MAN1C1: variants seen among roughly 807,000 people sequenced by gnomAD.
MAN1C1 encodes mannosidase alpha class 1C member 1.
Under a neutral mutation model 71.5 loss-of-function variants are expected in MAN1C1, and 49 were observed. The observed-to-expected ratio is 0.69, with a 90% CI of 0.54 to 0.87. The LOEUF (loss-of-function observed/expected upper bound fraction) is 0.87, where lower values mean the gene tolerates loss of function less well. Ranked by LOEUF, MAN1C1 falls within the 40% of genes least tolerant of loss-of-function variation. MAN1C1 has a pLI of 0.00. For synonymous variants in MAN1C1, 352 were observed against 343.7 expected, an observed-to-expected ratio of 1.02 and a Z score of -0.27; for missense variants, 743 against 835.0, an observed-to-expected ratio of 0.89 and a Z score of 1.36.
chr1:25,726,088 C>T (rs748569060), intron 2 of MAN1C1, among the ~76,000 whole-genome samples: 1 of 152,244 alleles, frequency 6.6e-6, no homozygotes, highest in African/African-American at 2.4e-5. Flanking sequence ...CCGACTGTAG[C>T]CCCTCTCCTG....
At chr1:25,647,028 A>G (rs932784694) in intron 1 of MAN1C1, among the ~76,000 whole-genome samples, 6 of 152,150 alleles carry the variant, frequency 3.9e-5, no homozygotes, top group Admixed American at 2.6e-4. Flanking sequence ...TTACACTCTC[A>G]ATAGCAGTGT....
At chr1:25,656,785 A>G (rs1274246215) in intron 1 of MAN1C1, among the ~76,000 whole-genome samples, 2 of 150,868 alleles carry the variant, frequency 1.3e-5, no homozygotes, top group East Asian at 2.0e-4. Flanking sequence ...CAAGGAGGGG[A>G]GAGAGATGGA....
chr1:25,700,734 G>C (rs918078010), intron 2 of MAN1C1, among the ~76,000 whole-genome samples: 2 of 152,270 alleles, frequency 1.3e-5, no homozygotes, highest in African/African-American at 4.8e-5. Context: ...TTGAATGGAG[G>C]CTGGGAGGAG....
chr1:25,703,467 A>T (rs1221091901), intron 2 of MAN1C1, among the ~76,000 whole-genome samples: 1 of 152,340 alleles, frequency 6.6e-6, no homozygotes, highest in South Asian at 2.1e-4. Flanking sequence ...AGATCACCTG[A>T]GGTCGGGAGT....
At chr1:25,644,518 A>ATATATATATATT (rs61386117) in intron 1 of MAN1C1, 3 of 40,290 alleles carry the variant, frequency 7.4e-5, no homozygotes, top group Admixed American at 4.9e-4. Context: ...ATATATATAT[A>ATATATATATATT]TTTTTTTTTT....
At chr1:25,712,478 G>A (rs573630589) in intron 2 of MAN1C1, among the ~76,000 whole-genome samples, 65 of 152,180 alleles carry the variant, frequency 4.3e-4, no homozygotes, top group African/African-American at 6.8e-4. Context: ...AATCTGGGGC[G>A]GCTTCCTGGG....
intron 1 of MAN1C1, among the ~76,000 whole-genome samples, chr1:25,628,492 G>C (rs2045331873): frequency 6.6e-6 from 1 of 152,064 alleles, no homozygotes; most frequent in South Asian, 2.1e-4. Context: ...ATTTTTAATA[G>C]AGACGGGATT....
chr1:25,754,728 G>C (rs2047262920), intron 5 of MAN1C1, among the ~76,000 whole-genome samples: 1 of 152,176 alleles, frequency 6.6e-6, no homozygotes, highest in Non-Finnish European at 1.5e-5. Flanking sequence ...GTCTGGGGTA[G>C]GACATCATTG....
intron 1 of MAN1C1, among the ~76,000 whole-genome samples, chr1:25,676,968 C>A (rs779846463): frequency 5.3e-5 from 8 of 152,148 alleles, no homozygotes; most frequent in Non-Finnish European, 1.0e-4. Flanking sequence ...CTAATGCATC[C>A]TTTCTCTCTT....
rs572217032 is a variant in MAN1C1 at position 25,780,835 on chromosome 1, A to G, written c.1478-105A>G. On this transcript the variant is annotated intron_variant, in intron 9 of 11. Transcript: ENST00000374332. ...GGCACCCCACACCCACACACACCTG[A>G]CATCACCCTGGCCGCGGGTTCAAGG... 1.4e-5 allele frequency: 17 copies of G among 1,234,822 alleles called. No homozygotes were observed. The African/African-American group carries it at 2.1e-4, about 15-fold the overall frequency. 76.5% of individuals were successfully genotyped at this position (1,234,822 alleles called of 1,614,324 possible).
rs922228975 is a variant in MAN1C1 at position 25,730,437 on chromosome 1, G to A, written c.638-16231G>A. ...TTTTTTAGTTTTCTCAGCCATCCTC[G>A]AAAACCTTAGCTGAGAATGACAAAT... On this transcript the variant is annotated intron_variant, in intron 2 of 11. Coordinates refer to ENST00000374332, the MANE Select transcript of MAN1C1 (RefSeq NM_020379.4). This position sits in a 1 kb window ranked among gnomAD's most constrained non-coding sequence, Gnocchi z 4.3. Among the ~76,000 whole-genome samples, 5 of 150,512 alleles carry A rather than the reference G, an allele frequency of 3.3e-5. No homozygotes were observed. Among genetic ancestry groups the A allele is most frequent in the African/African-American group, 1.2e-4 (5 of 40,682 alleles).
At chr1:25,696,571 C>A (rs1391897029) in intron 2 of MAN1C1, among the ~76,000 whole-genome samples, 1 of 152,140 alleles carries the variant, frequency 6.6e-6, no homozygotes, top group Non-Finnish European at 1.5e-5. Flanking sequence ...TTTCCATCAC[C>A]CTAAAAGGTT....
chr1:25,626,566 G>A (rs187939263), intron 1 of MAN1C1, among the ~76,000 whole-genome samples: 190 of 152,132 alleles, frequency 1.2e-3, no homozygotes, highest in African/African-American at 3.4e-3. Context: ...CACTGTGTTA[G>A]CCAGGCTGGT....
chr1:25,630,623 A>G (rs139116000), intron 1 of MAN1C1, among the ~76,000 whole-genome samples: 226 of 152,166 alleles, frequency 1.5e-3, no homozygotes, highest in African/African-American at 5.2e-3. Context: ...TCACCTCCTT[A>G]GTTAAGTATA....
chr1:25,656,095 CT>C (rs59710145), intron 1 of MAN1C1, among the ~76,000 whole-genome samples: 998 of 74,936 alleles, frequency 0.013, 17 homozygotes, highest in African/African-American at 0.064. Flanking sequence ...GATTATCAGT[CT>C]TTTTTTTTTT....
chr1:25,667,398 C>T (rs974142974), intron 1 of MAN1C1, among the ~76,000 whole-genome samples: 4 of 149,252 alleles, frequency 2.7e-5, no homozygotes, highest in Non-Finnish European at 4.4e-5. Flanking sequence ...GCAGGATAAT[C>T]GCTTGATCCC....
At position 25,735,625 on chromosome 1, in the gene MAN1C1, G is replaced by T. The variant is rs189742721; in HGVS notation, c.638-11043G>T. On this transcript the variant is annotated intron_variant, in intron 2 of 11. Coordinates refer to ENST00000374332, the MANE Select transcript of MAN1C1 (RefSeq NM_020379.4). The surrounding 1 kb of genome is among the most constrained non-coding windows in gnomAD (Gnocchi z 4.6). ...CATAATAGGGTTGTATTATAACAAA[G>T]TATTCCACAGTGAGAGGCAGACCAC... Among the ~76,000 whole-genome samples the T allele has an allele frequency of 6.0e-4, 91 of 152,310 alleles. 1 individual carries two copies. The highest frequency in any genetic ancestry group is 1.8e-4 in the Non-Finnish European group (12 of 68,038).
intron 4 of MAN1C1, among the ~76,000 whole-genome samples, chr1:25,752,611 T>G (rs2047231710): frequency 6.6e-6 from 1 of 152,266 alleles, no homozygotes; most frequent in Admixed American, 6.5e-5. Flanking sequence ...TACAACATTC[T>G]CGATTATTTA....
At chr1:25,752,074 G>A (rs556627949) in intron 4 of MAN1C1, among the ~76,000 whole-genome samples, 2 of 152,278 alleles carry the variant, frequency 1.3e-5, no homozygotes, top group East Asian at 3.9e-4. Flanking sequence ...AAGCTTCAGA[G>A]GGAGACCCCC....
Sources: gnomAD v4.1 joint callset for allele counts (sites outside exome capture counted in the v4.1 genomes callset) on GRCh38, gnomAD v4.1.1 for gene constraint, Gnocchi (gnomAD v3.1) non-coding constraint, MANE v1.5 for transcripts, NCBI Gene and HGNC (gene_info 2026-07-23, HGNC 2026-07-21) for gene names.